Variants in ULK2 observed in about 807,000 individuals in gnomAD.
The protein encoded by ULK2 is unc-51 like autophagy activating kinase 2.
A neutral mutation model predicts 127.5 loss-of-function variants in ULK2; 76 were observed. The observed-to-expected ratio is 0.60, with a 90% confidence interval of 0.50 to 0.72. The LOEUF (loss-of-function observed/expected upper bound fraction) is 0.72. Ranked by LOEUF, ULK2 falls within the 30% of genes least tolerant of loss-of-function variation. The pLI is 0.00. For synonymous variants in ULK2, 452 were observed against 461.9 expected (o/e 0.98, Z 0.28); for missense variants, 1,144 against 1,295.9 (o/e 0.88, Z 1.80).
chr17:19,834,923 A>G (rs1368000286), intron 10 of ULK2, among the ~76,000 whole-genome samples: 1 of 151,708 alleles, frequency 6.6e-6, no homozygotes, highest in African/African-American at 2.4e-5. Context: ...AAAAAAAAAA[A>G]AGAGAAACAC....
intron 13 of ULK2, among the ~76,000 whole-genome samples, chr17:19,812,112 C>T (rs999776217): frequency 3.3e-5 from 5 of 152,264 alleles, no homozygotes. Flanking sequence ...AACCAATTTA[C>T]ATCACAGAAC....
chr17:19,810,306 T>A, intron 14 of ULK2, 72 bp downstream of exon 14: 1 of 893,426 alleles, frequency 1.1e-6, no homozygotes, highest in Non-Finnish European at 1.7e-6. Context: ...TCAAGAACAC[T>A]AAGTTCTATA....
chr17:19,778,150 G>A (rs1046539609), intron 25 of ULK2, among the ~76,000 whole-genome samples: 6 of 152,146 alleles, frequency 3.9e-5, no homozygotes, highest in Non-Finnish European at 5.9e-5. Flanking sequence ...TAATTTTTGG[G>A]TGTAGTCATT....
chr17:19,783,854 C>T lies in ULK2; in HGVS notation c.2303G>A (p.Cys768Tyr), dbSNP rs938238649. The change falls in exon 22 of 27, where the codon TGC becomes TAC. Residue 768 changes from cysteine to tyrosine, a missense_variant. This residue lies in a region of ULK2 where 913 missense variants were observed against 970.5 expected (regional missense o/e 0.94). Transcript: ENST00000395544. Reference sequence around the variant, plus strand: ...GCCTGGGCCAGGCGGGGACCCCACGCACACGCGGCCACTCATGGCACAAAG... The same window carrying T: ...GCCTGGGCCAGGCGGGGACCCCACGTACACGCGGCCACTCATGGCACAAAG... ...GSLCAMSGRV[C>Y]VGSPPGPGFG... 6.3e-6 allele frequency: 10 copies of T among 1,582,646 alleles called. No individual in the cohort carries two copies. In the Admixed American group the frequency reaches 1.8e-4, roughly 29 times the overall value.
At chr17:19,825,240 A>G (rs192985790) in intron 11 of ULK2, 58 bp from the exon 12 acceptor site, 3 of 1,490,454 alleles carry the variant, frequency 2.0e-6, no homozygotes, top group African/African-American at 2.8e-5. Flanking sequence ...CATGACCTGT[A>G]TAACAGAAAC....
chr17:19,835,513 G>A (rs928474169), intron 10 of ULK2, among the ~76,000 whole-genome samples: 44 of 148,626 alleles, frequency 3.0e-4, no homozygotes, highest in African/African-American at 1.0e-3. Flanking sequence ...TCAGGAGATC[G>A]AAACCATCCT....
intron 13 of ULK2, among the ~76,000 whole-genome samples, chr17:19,814,470 AG>A (rs1443486150): frequency 0.026 from 270 of 10,340 alleles, 5 homozygotes; most frequent in African/African-American, 0.056. Flanking sequence ...TTTTGGAGAC[AG>A]GGTCTTGCTC....
rs1368017934 is a variant in ULK2 at position 19,846,868 on chromosome 17, TGCA to T, written c.335_337del (p.Leu112del). ...GATTCGCATGGCAGCAGCAATCTGA[TGCA>T]GAAACACTCTGATCGTGTCTTCACT... On this transcript the variant is annotated inframe_deletion, in exon 6 of 27. Coordinates refer to ENST00000395544, the MANE Select transcript of ULK2 (RefSeq NM_014683.4). 2.5e-6 allele frequency: 4 copies of T among 1,613,854 alleles called. No individual in the cohort carries two copies.
chr17:19,797,204 C>T (rs1013088444), intron 18 of ULK2, among the ~76,000 whole-genome samples, 192 bp downstream of exon 18: 2 of 151,994 alleles, frequency 1.3e-5, no homozygotes, highest in Non-Finnish European at 2.9e-5. Context: ...GGCTGAGGTA[C>T]CAGAATTGTT....
intron 5 of ULK2, among the ~76,000 whole-genome samples, chr17:19,848,550 G>A (rs1448584220): frequency 2.6e-5 from 4 of 152,026 alleles, no homozygotes; most frequent in African/African-American, 7.2e-5. Context: ...AGGCTGAGGC[G>A]GGCCGATCAC....
At chr17:19,856,587 CA>C (rs567938395) in intron 3 of ULK2, among the ~76,000 whole-genome samples, 456 of 135,556 alleles carry the variant, frequency 3.4e-3, no homozygotes, top group Non-Finnish European at 4.9e-3. Flanking sequence ...GTCACACACA[CA>C]AAAAAAAAAA....
chr17:19,777,837 A>T (rs554939001), intron 25 of ULK2, 121 bp from the exon 26 acceptor site: 2 of 1,241,860 alleles, frequency 1.6e-6, no homozygotes, highest in East Asian at 5.1e-5. Flanking sequence ...AAAGTGATAC[A>T]GTCTGCAAAA....
At chr17:19,833,816 C>T (rs545640618) in intron 10 of ULK2, among the ~76,000 whole-genome samples, 234 of 152,128 alleles carry the variant, frequency 1.5e-3, no homozygotes, top group African/African-American at 5.2e-3. Flanking sequence ...CTCAGCTGTG[C>T]GACATCATCA....
chr17:19,801,869 C>A lies in ULK2; in HGVS notation c.1349G>T (p.Gly450Val), dbSNP rs1184536917. 1 of 1,614,136 alleles carries A rather than the reference C, an allele frequency of 6.2e-7. No individual in the cohort carries two copies. The highest frequency in any genetic ancestry group is 2.2e-5 in the East Asian group (1 of 44,880). The part of the protein sequence containing the change: ...NTSPMGFLRP[G>V]SCSPVPADTA... ...GTCTGCTGGTACTGGGGAGCATGAT[C>A]CCGGCCGGAGGAAGCCCATGGGGCT... is the stretch of plus-strand genomic sequence containing the variant. The change falls in exon 16 of 27, where the codon GGA becomes GTA. Residue 450 changes from glycine to valine, a missense_variant. Gly to Val is a moderately radical substitution (Grantham distance 109). This residue lies in a region of ULK2 where 913 missense variants were observed against 970.5 expected (regional missense o/e 0.94). Transcript: ENST00000395544.
At chr17:19,803,816 A>C (rs1016834085) in intron 15 of ULK2, among the ~76,000 whole-genome samples, 1 of 152,184 alleles carries the variant, frequency 6.6e-6, no homozygotes, top group Non-Finnish European at 1.5e-5. Context: ...CATACACAGG[A>C]GAGGCCTGTA....
chr17:19,823,607 G>A (rs2041214076), intron 12 of ULK2, among the ~76,000 whole-genome samples: 1 of 152,084 alleles, frequency 6.6e-6, no homozygotes, highest in Non-Finnish European at 1.5e-5. Context: ...ACTTTGCCAT[G>A]GCTAGGCACT....
chr17:19,853,587 T>C (rs2042063444), intron 3 of ULK2, among the ~76,000 whole-genome samples: 1 of 151,400 alleles, frequency 6.6e-6, no homozygotes, highest in African/African-American at 2.4e-5. Flanking sequence ...TTTTTTTTTT[T>C]TGAGACAAGA....
intron 12 of ULK2, among the ~76,000 whole-genome samples, chr17:19,817,890 C>T (rs1173345378): frequency 6.6e-6 from 1 of 152,136 alleles, no homozygotes. Context: ...ATGCACTTGA[C>T]ACAATCTCTC....
intron 25 of ULK2, among the ~76,000 whole-genome samples, chr17:19,778,463 C>T (rs2086853433): frequency 1.3e-5 from 2 of 152,126 alleles, no homozygotes; most frequent in South Asian, 4.2e-4. Flanking sequence ...GGAAGGGGCT[C>T]TCCAGAAAGA....
Sources: gnomAD v4.1 joint callset for allele counts (sites outside exome capture counted in the v4.1 genomes callset) on GRCh38, gnomAD v4.1.1 for gene constraint, gnomAD v4.1.1 regional missense constraint, MANE v1.5 for transcripts, NCBI Gene and HGNC (gene_info 2026-07-23, HGNC 2026-07-21) for gene names.